RBL2: variants seen among roughly 807,000 people sequenced by gnomAD.
The protein encoded by RBL2 is RB transcriptional corepressor like 2, also known as retinoblastoma-like protein 2.
Under a neutral mutation model 126.0 loss-of-function variants are expected in RBL2, and 56 were observed. The observed-to-expected ratio is 0.44, with a 90% CI of 0.36 to 0.56. RBL2 has a LOEUF of 0.56. Ranked by LOEUF, RBL2 falls within the 20% of genes least tolerant of loss-of-function variation. RBL2 has a pLI of 0.00. For synonymous variants in RBL2, 454 were observed against 478.5 expected, an observed-to-expected ratio of 0.95 and a Z score of 0.67; for missense variants, 1,229 against 1,398.2, an observed-to-expected ratio of 0.88 and a Z score of 1.93.
chr16:53,445,514 G>A (rs2058054045), intron 3 of RBL2, among the ~76,000 whole-genome samples: 1 of 152,082 alleles, frequency 6.6e-6, no homozygotes, highest in Non-Finnish European at 1.5e-5. Flanking sequence ...TGACAACCTT[G>A]TGATACTCAT....
At position 53,447,066 on chromosome 16, in the gene RBL2, A is replaced by T. The variant is rs762404482; in HGVS notation, c.597A>T (p.Glu199Asp). Residue 199 changes from glutamate (E) to aspartate (D), a missense_variant, in exon 4 of 22, where the codon GAA becomes GAT. By Grantham distance (45) the Glu-to-Asp change is conservative. Coordinates refer to ENST00000262133, the MANE Select transcript of RBL2 (RefSeq NM_005611.4). ...KQRRQPCTVS[E>D]IFHFCWVLFI... ...GGCGACAGCCCTGTACTGTGTCTGA[A>T]ATTTTCCATTTTTGTTGGGTGCTTT... The T allele has an allele frequency of 5.6e-6, 9 of 1,595,044 alleles. No homozygotes were observed. The highest frequency in any genetic ancestry group is 7.7e-6 in the Non-Finnish European group (9 of 1,170,620).
chr16:53,472,136 A>G (rs1213591782), intron 17 of RBL2, among the ~76,000 whole-genome samples: 1 of 152,168 alleles, frequency 6.6e-6, no homozygotes, highest in Admixed American at 6.5e-5. Context: ...TTGTATGGAT[A>G]GGCACAATTT....
At chr16:53,440,258 G>A (rs2058002436) in intron 2 of RBL2, among the ~76,000 whole-genome samples, 1 of 152,150 alleles carries the variant, frequency 6.6e-6, no homozygotes, top group Non-Finnish European at 1.5e-5. Context: ...TTGCACTCCA[G>A]CCTGGGTGAC....
Position 53,479,937 on chromosome 16 carries a change from A to T in RBL2, c.2827A>T (p.Ser943Cys). 2 of 1,612,198 alleles carry T rather than the reference A, an allele frequency of 1.2e-6. No homozygotes were observed. Among genetic ancestry groups the T allele is most frequent in the Non-Finnish European group, 1.7e-6 (2 of 1,178,616 alleles). The change falls in exon 19 of 22, where the codon AGC (serine) becomes TGC (cysteine). Residue 943 changes from serine (S) to cysteine (C), a missense_variant. Ser to Cys is a moderately radical substitution (Grantham distance 112). This residue lies in a region of RBL2 where 1,070 missense variants were observed against 1,274.3 expected (regional missense o/e 0.84). Coordinates refer to ENST00000262133, the MANE Select transcript of RBL2 (RefSeq NM_005611.4). ...GAAAAGAAAAAGAAGAAATTCTGGCAGCAGTGATAGCAGAAGCCATCAGAA... is the reference window on the plus strand; with the variant it reads ...GAAAAGAAAAAGAAGAAATTCTGGCTGCAGTGATAGCAGAAGCCATCAGAA... ...KGKRKRRNSG[S>C]SDSRSHQNSP...
chr16:53,435,099 G>T (rs915265563), intron 1 of RBL2, among the ~76,000 whole-genome samples: 2 of 152,016 alleles, frequency 1.3e-5, no homozygotes, highest in Non-Finnish European at 2.9e-5. Context: ...CTGACCCCCC[G>T]CCCGCCTTGT....
At chr16:53,442,228 C>G (rs559778762) in intron 2 of RBL2, among the ~76,000 whole-genome samples, 10 of 152,134 alleles carry the variant, frequency 6.6e-5, no homozygotes, top group Admixed American at 2.0e-4. Context: ...AGGAGGATCA[C>G]TCAAGCCCAG....
chr16:53,447,127 AT>A, intron 4 of RBL2, 21 bp downstream of exon 4: 1 of 1,265,292 alleles, frequency 7.9e-7, no homozygotes, highest in Non-Finnish European at 1.1e-6. Context: ...AGTAATATTT[AT>A]TTAGATTTAA....
rs562175847 is a variant in RBL2 at position 53,441,380 on chromosome 16, A to G, written c.372-1278A>G. Among the ~76,000 whole-genome samples the G allele has an allele frequency of 1.1e-4, 17 of 152,286 alleles. No homozygotes were observed. In the East Asian group the frequency reaches 1.2e-3, roughly 10 times the overall value. ...CACATTCTCTTACTGTACTTCTTGG[A>G]GTAGTCCCCAAAGAAACTCCTGCAC... On this transcript the variant is annotated intron_variant, in intron 2 of 21. Transcript: ENST00000262133.
Position 53,434,622 on chromosome 16 carries a change from TGAGGAGGAG to T in RBL2, c.72_80del (p.Glu24_Glu26del). ...CCCCTCCGGCGGCGGCAGCCTCGGA[TGAGGAGGAG>T]GAGGACGACGGCGAGGCGGAAGACG... On this transcript the variant is annotated inframe_deletion, in exon 1 of 22. Coordinates refer to ENST00000262133, the MANE Select transcript of RBL2 (RefSeq NM_005611.4). 2 of 1,558,216 alleles carry T rather than the reference TGAGGAGGAG, an allele frequency of 1.3e-6. No individual in the cohort carries two copies. Among genetic ancestry groups the T allele is most frequent in the Admixed American group, 1.8e-5 (1 of 54,242 alleles).
intron 17 of RBL2, among the ~76,000 whole-genome samples, chr16:53,473,353 G>GT (rs146953967): frequency 0.15 from 21,796 of 148,792 alleles, 2,126 homozygotes; most frequent in Non-Finnish European, 0.22. Context: ...TAGATCTTCT[G>GT]TTTTTTTTTC....
chr16:53,453,323 A>T, intron 5 of RBL2, 129 bp from the exon 6 acceptor site: 1 of 782,232 alleles, frequency 1.3e-6, no homozygotes, highest in Non-Finnish European at 2.0e-6. Flanking sequence ...ATAGGCCCAT[A>T]TATACTGTTT....
At position 53,453,601 on chromosome 16, in the gene RBL2, T is replaced by C. The variant is rs2058137014; in HGVS notation, c.916T>C (p.Tyr306His). The C allele has an allele frequency of 1.2e-6, 2 of 1,603,532 alleles. No homozygotes were observed. Among genetic ancestry groups the C allele is most frequent in the Non-Finnish European group, 8.5e-7 (1 of 1,176,038 alleles). ...HFWKPYIRKL[Y>H]EKKLLKGKEE... ...CTGGAAACCCTATATTAGGAAACTTTATGAAAAAAAGGTTTGTAAGTAGCA... is the reference window on the plus strand; with the variant it reads ...CTGGAAACCCTATATTAGGAAACTTCATGAAAAAAAGGTTTGTAAGTAGCA... The change falls in exon 6 of 22, where the codon TAT (tyrosine) becomes CAT (histidine). Residue 306 changes from tyrosine (Y) to histidine (H), a missense_variant. Tyr to His is a moderately conservative substitution (Grantham distance 83, BLOSUM62 2). Around this residue, in one of 2 missense-constraint regions of RBL2, gnomAD observed 1,070 missense variants for 1,274.3 expected, o/e 0.84. Transcript: ENST00000262133.
At position 53,434,770 on chromosome 16, in the gene RBL2, A is replaced by C. The variant is rs774320794; in HGVS notation, c.214A>C (p.Ser72Arg). 2.6e-6 allele frequency: 4 copies of C among 1,524,820 alleles called. No individual in the cohort carries two copies. The East Asian group carries it at 1.0e-4, about 38-fold the overall frequency. 94.5% of individuals were successfully genotyped at this position (1,524,820 alleles called of 1,614,324 possible). A position where few individuals can be genotyped will look rare whatever the true frequency, so the allele number is the denominator to read the frequency against. ...GGCCGAGGCCTGGGACAGCTACCGCAGCATGAGCGAAAGCTACACGCTGGA... is the reference window on the plus strand; with the variant it reads ...GGCCGAGGCCTGGGACAGCTACCGCCGCATGAGCGAAAGCTACACGCTGGA... ...ARAEAWDSYR[S>R]MSESYTLEGN... The change falls in exon 1 of 22, where the codon AGC (serine) becomes CGC (arginine). Residue 72 changes from serine to arginine, a missense_variant. Transcript: ENST00000262133.
intron 18 of RBL2, 35 bp from the exon 19 acceptor site, chr16:53,479,851 C>G (rs1203558595): frequency 1.4e-6 from 2 of 1,426,258 alleles, no homozygotes; most frequent in South Asian, 2.4e-5. Flanking sequence ...TCAACAAATA[C>G]TAGTTTATGT....
chr16:53,443,343 A>G (rs1268454250), intron 3 of RBL2: 1 of 152,344 alleles, frequency 6.6e-6, no homozygotes, highest in African/African-American at 2.4e-5. Flanking sequence ...TGCCCTAGAT[A>G]TAGATCACTA....
At position 53,465,472 on chromosome 16, in the gene RBL2, T is replaced by C; in HGVS notation, c.1733T>C (p.Leu578Pro). 1.3e-6 allele frequency: 2 copies of C among 1,568,914 alleles called. No individual in the cohort carries two copies. The highest frequency in any genetic ancestry group is 8.6e-7 in the Non-Finnish European group (1 of 1,158,990). Reference protein sequence around the residue: ...IEVFIRAEDGLCREVVKHLNQ... With the variant: ...IEVFIRAEDGPCREVVKHLNQ... Reference sequence around the variant, plus strand: ...GTATTCATTAGAGCAGAAGATGGCCTTTGTAGAGAGGTGGTAAAACACCTT... The same window carrying C: ...GTATTCATTAGAGCAGAAGATGGCCCTTGTAGAGAGGTGGTAAAACACCTT... Residue 578 changes from leucine (L) to proline (P), a missense_variant, in exon 13 of 22, where the codon CTT becomes CCT. Coordinates refer to ENST00000262133, the MANE Select transcript of RBL2 (RefSeq NM_005611.4).
intron 20 of RBL2, 39 bp from the exon 21 acceptor site, chr16:53,481,632 T>G: frequency 6.9e-7 from 1 of 1,449,744 alleles, no homozygotes; most frequent in Non-Finnish European, 9.2e-7. Flanking sequence ...TAATTATAAA[T>G]TTTTTTCTTA....
intron 21 of RBL2, among the ~76,000 whole-genome samples, chr16:53,484,560 C>T (rs1010621616): frequency 1.8e-4 from 28 of 152,232 alleles, no homozygotes; most frequent in African/African-American, 6.5e-4. Flanking sequence ...TTGAAAACAT[C>T]GTTAAGTGAA....
intron 7 of RBL2, chr16:53,454,438 C>G (rs557706381): frequency 7.8e-5 from 37 of 472,402 alleles, no homozygotes; most frequent in Non-Finnish European, 1.4e-4. Context: ...CTCCTGACTT[C>G]GTGATCCACC....
Sources: allele counts gnomAD v4.1 joint callset (sites outside exome capture counted in the v4.1 genomes callset), GRCh38; gene constraint gnomAD v4.1.1; regional missense constraint gnomAD v4.1.1; transcripts MANE v1.5; gene names NCBI Gene and HGNC (gene_info 2026-07-23, HGNC 2026-07-21).